The following BCKDHA variants were observed in gnomAD, a reference collection of about 807,000 sequenced individuals.
BCKDHA encodes the protein branched chain keto acid dehydrogenase E1 subunit alpha.
In BCKDHA, 43 loss-of-function variants were observed where a neutral mutation model predicts 52.2. That is an observed-to-expected ratio of 0.82 (90% confidence interval 0.64 to 1.06). The LOEUF is 1.06. Among genes scored for constraint, BCKDHA ranks in the 50% least tolerant of loss-of-function variants. The pLI, the probability that BCKDHA is intolerant of heterozygous loss-of-function variation, is 0.00. For missense variants in BCKDHA, 527 were observed against 621.3 expected (o/e 0.85, Z 1.61); for synonymous variants, 234 against 247.9 (o/e 0.94, Z 0.53).
chr19:41,398,547 ATGAGG>A (rs2039102349), intron 1 of BCKDHA, among the ~76,000 whole-genome samples: 2 of 152,208 alleles, frequency 1.3e-5, no homozygotes, highest in Non-Finnish European at 2.9e-5. Context: ...TGTTGAATTA[ATGAGG>A]GGAAAAAAGG....
chr19:41,416,376 C>T (rs2039308328), intron 4 of BCKDHA, among the ~76,000 whole-genome samples: 1 of 152,216 alleles, frequency 6.6e-6, no homozygotes, highest in South Asian at 2.1e-4. Context: ...GGCACCTCCC[C>T]CATCCATGTG....
Position 41,422,647 on chromosome 19 carries a change from A to G in BCKDHA, c.872A>G (p.Tyr291Cys), listed in dbSNP as rs1426261465. 3 of 1,613,920 alleles carry G rather than the reference A, an allele frequency of 1.9e-6. No individual in the cohort carries two copies. Among genetic ancestry groups the G allele is most frequent in the Non-Finnish European group, 2.5e-6 (3 of 1,180,032 alleles). The change falls in exon 7 of 9, where the codon TAT becomes TGT. Residue 291 changes from tyrosine (Y) to cysteine (C), a missense_variant. By Grantham distance (194) the Tyr-to-Cys change is radical. Coordinates refer to ENST00000269980, the MANE Select transcript of BCKDHA (RefSeq NM_000709.4). ...CCCACAGCAGCACGAGGCCCCGGGTATGGCATCATGTCAATCCGCGTGGAT... is the reference window on the plus strand; with the variant it reads ...CCCACAGCAGCACGAGGCCCCGGGTGTGGCATCATGTCAATCCGCGTGGAT... ...GDGIAARGPG[Y>C]GIMSIRVDGN...
At chr19:41,409,539 C>T (rs1267737784) in intron 1 of BCKDHA, among the ~76,000 whole-genome samples, 3 of 152,148 alleles carry the variant, frequency 2.0e-5, no homozygotes, top group East Asian at 3.9e-4. Flanking sequence ...GTAGAGTGGA[C>T]ACTGAAGCGT....
chr19:41,412,315 C>T (rs896526871), intron 3 of BCKDHA, among the ~76,000 whole-genome samples: 1 of 151,086 alleles, frequency 6.6e-6, no homozygotes, highest in East Asian at 1.9e-4. Context: ...TCATCTCATC[C>T]CTGTCTCCTC....
intron 1 of BCKDHA, among the ~76,000 whole-genome samples, chr19:41,403,154 T>G (rs189025283): frequency 6.0e-4 from 91 of 152,310 alleles, no homozygotes; most frequent in African/African-American, 2.1e-3. Context: ...CTGCCTAATC[T>G]GCACGCCTTT....
intron 1 of BCKDHA, among the ~76,000 whole-genome samples, chr19:41,405,436 A>G (rs2039182298): frequency 6.6e-6 from 1 of 151,672 alleles, no homozygotes; most frequent in Non-Finnish European, 1.5e-5. Context: ...ACAGGTGTGC[A>G]CCACCATGCC....
chr19:41,410,623 G>A lies in BCKDHA; in HGVS notation c.109-14G>A, dbSNP rs1012720851. 6.2e-6 allele frequency: 10 copies of A among 1,614,108 alleles called. No individual in the cohort carries two copies. The highest frequency in any genetic ancestry group is 8.5e-6 in the Non-Finnish European group (10 of 1,180,000). On this transcript the variant is annotated splice_polypyrimidine_tract_variant and intron_variant, in intron 1 of 8. Transcript: ENST00000269980. ...GCTTCTGATGCAGGTGGTCTCCTCT[G>A]CTCTCTTCCCCAGCACCCCCCCAGG...
chr19:41,400,176 C>G (rs1428204912), intron 1 of BCKDHA, among the ~76,000 whole-genome samples: 2 of 152,112 alleles, frequency 1.3e-5, no homozygotes. Context: ...AAGCAATCCC[C>G]CCACCTCCAC....
chr19:41,402,083 A>G (rs994767034), intron 1 of BCKDHA, among the ~76,000 whole-genome samples: 1 of 152,224 alleles, frequency 6.6e-6, no homozygotes, highest in Admixed American at 6.5e-5. Context: ...TGGCAGGCAG[A>G]CAGAGTGCTT....
intron 4 of BCKDHA, among the ~76,000 whole-genome samples, chr19:41,414,599 G>C (rs1400673155): frequency 6.6e-6 from 1 of 152,188 alleles, no homozygotes; most frequent in Non-Finnish European, 1.5e-5. Flanking sequence ...ATCCTTCGGG[G>C]AGCAGGAGCA....
At chr19:41,418,755 G>T (rs2039333008) in intron 4 of BCKDHA, 4 of 448,814 alleles carry the variant, frequency 8.9e-6, no homozygotes, top group South Asian at 6.3e-5. Flanking sequence ...GCTCAGGCTG[G>T]TCTCCAACTC....
intron 1 of BCKDHA, among the ~76,000 whole-genome samples, chr19:41,403,677 A>G (rs1206435294): frequency 2.0e-5 from 3 of 152,084 alleles, no homozygotes; most frequent in Non-Finnish European, 4.4e-5. Flanking sequence ...GAGGGGTACT[A>G]TCTGATCCTA....
At chr19:41,421,373 G>T (rs1312445731) in intron 5 of BCKDHA, among the ~76,000 whole-genome samples, 1 of 152,176 alleles carries the variant, frequency 6.6e-6, no homozygotes, top group Non-Finnish European at 1.5e-5. Flanking sequence ...GTAGGGAGCA[G>T]CCAAGCCAGC....
At chr19:41,402,702 C>A (rs946322753) in intron 1 of BCKDHA, among the ~76,000 whole-genome samples, 3 of 152,110 alleles carry the variant, frequency 2.0e-5, no homozygotes, top group Admixed American at 6.6e-5. Context: ...AGTGCAGTGG[C>A]GTGATTTCTG....
chr19:41,413,786 A>C (rs926478896), intron 3 of BCKDHA, among the ~76,000 whole-genome samples: 14 of 151,604 alleles, frequency 9.2e-5, no homozygotes, highest in Admixed American at 3.9e-4. Flanking sequence ...ATCTTTGCGC[A>C]CTGGTCCTCA....
At chr19:41,419,746 CTT>C (rs201343587) in intron 5 of BCKDHA, among the ~76,000 whole-genome samples, 3,577 of 117,230 alleles carry the variant, frequency 0.031, 8 homozygotes, top group East Asian at 0.055. Context: ...GCCCAGCCCA[CTT>C]TTTTTTTTTT....
At chr19:41,417,472 A>G (rs1221640692) in intron 4 of BCKDHA, among the ~76,000 whole-genome samples, 1 of 152,162 alleles carries the variant, frequency 6.6e-6, no homozygotes. Context: ...CTCCTTAACC[A>G]GAGCAACTCC....
chr19:41,407,218 A>G (rs2039203248), intron 1 of BCKDHA, among the ~76,000 whole-genome samples: 1 of 152,164 alleles, frequency 6.6e-6, no homozygotes. Flanking sequence ...GTGTGAGTTA[A>G]CTTAGCAACT....
At position 41,419,217 on chromosome 19, in the gene BCKDHA, C is replaced by T. The variant is rs777391858; in HGVS notation, c.567C>T (p.Arg189=). ...ACATCAGTGACTTGGGCAAGGGGCG[C>T]CAGATGCCTGTCCACTACGGCTGCA... ...YGNISDLGKG[R]QMPVHYGCKE... Residue 189 remains arginine, a synonymous_variant, in exon 5 of 9, where the codon CGC becomes CGT. Coordinates refer to ENST00000269980, the MANE Select transcript of BCKDHA (RefSeq NM_000709.4). 3 of 1,614,236 alleles carry T rather than the reference C, an allele frequency of 1.9e-6. No individual in the cohort carries two copies. The highest frequency in any genetic ancestry group is 2.2e-5 in the South Asian group (2 of 91,090).
Sources: allele counts gnomAD v4.1 joint callset (sites outside exome capture counted in the v4.1 genomes callset), GRCh38; gene constraint gnomAD v4.1.1; transcripts MANE v1.5; gene names NCBI Gene and HGNC (gene_info 2026-07-23, HGNC 2026-07-21).